Variants in IDH3B observed in about 807,000 individuals in gnomAD.
IDH3B encodes isocitrate dehydrogenase (NAD(+)) 3 non-catalytic subunit beta.
IDH3B carries 40 observed loss-of-function variants against 47.5 expected under a neutral mutation model. The ratio of observed to expected loss-of-function variants is 0.84; its 90% CI spans 0.65 to 1.10. IDH3B has a LOEUF of 1.10. Among genes scored for constraint, IDH3B ranks in the 50% least tolerant of loss-of-function variants. The pLI, the probability that IDH3B is intolerant of heterozygous loss-of-function variation, is 0.00. For synonymous variants in IDH3B, 185 were observed against 191.0 expected (o/e 0.97, Z 0.26); for missense variants, 450 against 505.2 (o/e 0.89, Z 1.05).
At position 2,658,537 on chromosome 20, in the gene IDH3B, C is replaced by CATCAT; in HGVS notation, c.*209_*213dup. The CATCAT allele has an allele frequency of 6.2e-7, 1 of 1,612,580 alleles. No homozygotes were observed. Among genetic ancestry groups the CATCAT allele is most frequent in the Non-Finnish European group, 8.5e-7 (1 of 1,179,216 alleles). On this transcript the variant is annotated 3_prime_UTR_variant, in exon 12 of 12. Coordinates refer to ENST00000380843, the MANE Select transcript of IDH3B (RefSeq NM_006899.5). ...GAGGTTCGAACCTGTGGGGGAGAATCATCATCATCCATGTGGCCTGGGCTC... is the reference window on the plus strand; with the variant it reads ...GAGGTTCGAACCTGTGGGGGAGAATCATCATATCATCATCCATGTGGCCTGGGCTC...
rs1474700266 is a variant in IDH3B at position 2,664,145 on chromosome 20, G to T, written c.36+8C>A. ...CCCGCCCCTGCCCGACATGTCCCGG[G>T]GCCTCACTCGGGTCAGCCAGCGGAC... On this transcript the variant is annotated splice_region_variant and intron_variant, in intron 1 of 11. Coordinates refer to ENST00000380843, the MANE Select transcript of IDH3B (RefSeq NM_006899.5). The T allele has an allele frequency of 6.2e-7, 1 of 1,613,108 alleles. No individual in the cohort carries two copies. The highest frequency in any genetic ancestry group is 8.5e-7 in the Non-Finnish European group (1 of 1,179,716).
At chr20:2,658,970 A>G in intron 11 of IDH3B, 133 bp from the exon 12 acceptor site, 1 of 1,393,828 alleles carries the variant, frequency 7.2e-7, no homozygotes, top group Non-Finnish European at 9.3e-7. Flanking sequence ...ACAGGAATGG[A>G]AGGAGGAGCC....
At position 2,661,008 on chromosome 20, in the gene IDH3B, G is replaced by A. The variant is rs538915354; in HGVS notation, c.338-39C>T. On this transcript the variant is annotated intron_variant, in intron 4 of 11. Coordinates refer to ENST00000380843, the MANE Select transcript of IDH3B (RefSeq NM_006899.5). ...GTGGGAAAAGGAGTGTCAGCCACAG[G>A]CCAAGCCCAAGGGAACTCAGACCAG... 133 of 1,593,622 alleles carry A rather than the reference G, an allele frequency of 8.3e-5. 1 individual carries two copies. The South Asian group carries it at 1.4e-3, about 17-fold the overall frequency.
rs145456471 is a variant in IDH3B at position 2,662,514 on chromosome 20, G to A, written c.337+932C>T. 5.4e-4 allele frequency among the ~76,000 whole-genome samples: 82 copies of A among 152,266 alleles called. No homozygotes were observed. The East Asian group carries it at 0.011, about 20-fold the overall frequency. On this transcript the variant is annotated intron_variant, in intron 4 of 11. Transcript: ENST00000380843. ...AAAAATCAAATGAGGAGATTAAAGC[G>A]CGGAAGACAAAAGAAAAGGGGCAGC...
At position 2,660,622 on chromosome 20, in the gene IDH3B, A is replaced by G. The variant is rs1333691687; in HGVS notation, c.532-32T>C. On this transcript the variant is annotated intron_variant, in intron 6 of 11. Transcript: ENST00000380843. The surrounding 1 kb of genome is among the most constrained non-coding windows in gnomAD (Gnocchi z 5.6). ...AAGAAGAAAGCAGCAGCTAGGTGAC[A>G]CTGGGAAGGGAAACAAGGAGCTCCA... The G allele has an allele frequency of 1.2e-6, 2 of 1,614,006 alleles. No homozygotes were observed. The highest frequency in any genetic ancestry group is 1.7e-5 in the Admixed American group (1 of 60,000).
Position 2,660,836 on chromosome 20 carries a change from G to A in IDH3B, c.399-7C>T. Reference sequence around the variant, plus strand: ...AAATAAGTCCAACTTACGCCTGAGGGTGGGCAGGGCCATCAGCTCTGCTCC... The same window carrying A: ...AAATAAGTCCAACTTACGCCTGAGGATGGGCAGGGCCATCAGCTCTGCTCC... On this transcript the variant is annotated splice_polypyrimidine_tract_variant and splice_region_variant and intron_variant, in intron 5 of 11. Transcript: ENST00000380843. This position sits in a 1 kb window ranked among gnomAD's most constrained non-coding sequence, Gnocchi z 5.6. 6.2e-7 allele frequency: 1 copy of A among 1,614,164 alleles called. No individual in the cohort carries two copies. The highest frequency in any genetic ancestry group is 1.1e-5 in the South Asian group (1 of 91,084).
rs541585306 is a variant in IDH3B at position 2,658,432 on chromosome 20, T to C, written c.*319A>G. 1.2e-6 allele frequency: 2 copies of C among 1,614,066 alleles called. No individual in the cohort carries two copies. The highest frequency in any genetic ancestry group is 4.5e-5 in the East Asian group (2 of 44,888). ...CTTTATTGAACACCTTACATGGGTA[T>C]GGACAGGGCCTATGGGTGGGGCAAG... On this transcript the variant is annotated 3_prime_UTR_variant, in exon 12 of 12. Coordinates refer to ENST00000380843, the MANE Select transcript of IDH3B (RefSeq NM_006899.5).
At chr20:2,661,603 T>C (rs1346150459) in intron 4 of IDH3B, among the ~76,000 whole-genome samples, 1 of 152,242 alleles carries the variant, frequency 6.6e-6, no homozygotes, top group Non-Finnish European at 1.5e-5. Context: ...ATCTGTGCCT[T>C]CTCCTTATTT....
Position 2,659,599 on chromosome 20 carries a change from CAGG to C in IDH3B, c.1011-17_1011-15del. 1 of 1,614,054 alleles carries C rather than the reference CAGG, an allele frequency of 6.2e-7. No homozygotes were observed. Among genetic ancestry groups the C allele is most frequent in the Non-Finnish European group, 8.5e-7 (1 of 1,179,870 alleles). On this transcript the variant is annotated splice_polypyrimidine_tract_variant and intron_variant, in intron 10 of 11. Transcript: ENST00000380843. ...TGATACTCAAGACTGTGGATATGGA[CAGG>C]AAGAAACTGTGACTCCCCCAAGACA...
rs1600166914 is a variant in IDH3B at position 2,659,545 on chromosome 20, T to C, written c.1051A>G (p.Lys351Glu). 11 of 1,614,198 alleles carry C rather than the reference T, an allele frequency of 6.8e-6. No homozygotes were observed. The highest frequency in any genetic ancestry group is 9.3e-6 in the Non-Finnish European group (11 of 1,180,002). ...HSSMIADAVK[K>E]VIKVGKVRTR... ...CTCACCTTGCCAACTTTGATCACCT[T>C]CTTCACCGCATCTGCGATCATGCTG... The change falls in exon 11 of 12, where the codon AAG becomes GAG. Residue 351 changes from lysine (K) to glutamate (E), a missense_variant. By Grantham distance (56) the Lys-to-Glu change is moderately conservative (BLOSUM62 1). Transcript: ENST00000380843.
intron 4 of IDH3B, among the ~76,000 whole-genome samples, chr20:2,663,237 C>G (rs1168951816): frequency 6.6e-6 from 1 of 152,140 alleles, no homozygotes; most frequent in East Asian, 1.9e-4. Flanking sequence ...TCAGGACAGA[C>G]TCAGAACCCC....
chr20:2,660,768 G>T lies in IDH3B; in HGVS notation c.460C>A (p.Arg154=). Residue 154 remains arginine, a synonymous_variant, in exon 6 of 12, where the codon CGG becomes AGG. Transcript: ENST00000380843. The surrounding 1 kb of genome is among the most constrained non-coding windows in gnomAD (Gnocchi z 5.6). ...HVKSLPGYMT[R]HNNLDLVIIR... ...ATCACCAGGTCTAGATTGTTGTGCCGAGTCATATACCCAGGAAGTGACTTC... is the reference window on the plus strand; with the variant it reads ...ATCACCAGGTCTAGATTGTTGTGCCTAGTCATATACCCAGGAAGTGACTTC... The T allele has an allele frequency of 6.2e-7, 1 of 1,614,062 alleles. No homozygotes were observed.
chr20:2,661,746 CATG>C (rs1401044076), intron 4 of IDH3B, among the ~76,000 whole-genome samples: 1 of 152,138 alleles, frequency 6.6e-6, no homozygotes, highest in Non-Finnish European at 1.5e-5. Context: ...ATATGAAAGA[CATG>C]ATAAGTACCA....
chr20:2,660,595 G>A lies in IDH3B; in HGVS notation c.532-5C>T. The A allele has an allele frequency of 1.2e-6, 2 of 1,614,120 alleles. No homozygotes were observed. Among genetic ancestry groups the A allele is most frequent in the Non-Finnish European group, 1.7e-6 (2 of 1,180,032 alleles). Reference sequence around the variant, plus strand: ...CTCAATCACACCCCTTGCACTCTGGGTAAGAAGAAAGCAGCAGCTAGGTGA... The same window carrying A: ...CTCAATCACACCCCTTGCACTCTGGATAAGAAGAAAGCAGCAGCTAGGTGA... On this transcript the variant is annotated splice_region_variant and splice_polypyrimidine_tract_variant and intron_variant, in intron 6 of 11. Coordinates refer to ENST00000380843, the MANE Select transcript of IDH3B (RefSeq NM_006899.5). The surrounding 1 kb of genome is among the most constrained non-coding windows in gnomAD (Gnocchi z 5.6).
chr20:2,663,810 G>T, intron 2 of IDH3B, 52 bp from the exon 3 acceptor site: 1 of 1,603,646 alleles, frequency 6.2e-7, no homozygotes, highest in Non-Finnish European at 8.5e-7. Flanking sequence ...GCGGGAGCAC[G>T]GATCCTGGGA....
In IDH3B at chr20:2,659,721, A is replaced by C. The variant is rs1382137336; in HGVS notation, c.988T>G (p.Ser330Ala). Residue 330 changes from serine (S) to alanine (A), a missense_variant, in exon 10 of 12, where the codon TCC (serine) becomes GCC (alanine). Ser to Ala is a moderately conservative substitution (Grantham distance 99). Transcript: ENST00000380843. ...ANPTAMLLSASNMLRHLNLEY... is the reference protein window; with the variant it reads ...ANPTAMLLSAANMLRHLNLEY... ...TACTTAAGATGCCGCAGCATGTTGG[A>C]AGCCGACAGCAGCATGGCCGTGGGA... 2 of 1,614,008 alleles carry C rather than the reference A, an allele frequency of 1.2e-6. No homozygotes were observed. Among genetic ancestry groups the C allele is most frequent in the Non-Finnish European group, 1.7e-6 (2 of 1,180,002 alleles).
At chr20:2,659,959 G>T in intron 9 of IDH3B, 71 bp downstream of exon 9, 1 of 1,590,240 alleles carries the variant, frequency 6.3e-7, no homozygotes, top group East Asian at 2.2e-5. Flanking sequence ...TTAGGAAGTG[G>T]AGATATTGGG....
intron 9 of IDH3B, 106 bp from the exon 10 acceptor site, chr20:2,659,899 C>T: frequency 6.9e-7 from 1 of 1,459,518 alleles, no homozygotes; most frequent in South Asian, 1.1e-5. Flanking sequence ...GCCAGGGTCA[C>T]TGAAAAGAGG....
At chr20:2,661,294 T>C (rs1474958749) in intron 4 of IDH3B, among the ~76,000 whole-genome samples, 1 of 151,960 alleles carries the variant, frequency 6.6e-6, no homozygotes, top group Non-Finnish European at 1.5e-5. Context: ...CCTCCCAGGT[T>C]CAAGCAATTC....
Sources: gnomAD v4.1 joint callset for allele counts (sites outside exome capture counted in the v4.1 genomes callset) on GRCh38, gnomAD v4.1.1 for gene constraint, Gnocchi (gnomAD v3.1) non-coding constraint, MANE v1.5 for transcripts, NCBI Gene and HGNC (gene_info 2026-07-23, HGNC 2026-07-21) for gene names.